The following TMTC2 variants were observed in gnomAD, a reference collection of about 807,000 sequenced individuals.
TMTC2 encodes the protein protein O-mannosyl-transferase TMTC2.
TMTC2 carries 43 observed loss-of-function variants against 82.4 expected under a neutral mutation model. The observed-to-expected ratio is 0.52, with a 90% CI of 0.41 to 0.67. The LOEUF (loss-of-function observed/expected upper bound fraction) is 0.67, where lower values mean the gene tolerates loss of function less well. TMTC2 is among the 30% of genes least tolerant of loss of function. TMTC2 has a pLI of 0.00. For synonymous variants in TMTC2, 408 were observed against 381.9 expected, an observed-to-expected ratio of 1.07 and a Z score of -0.80; for missense variants, 919 against 1,012.4, an observed-to-expected ratio of 0.91 and a Z score of 1.25.
intron 11 of TMTC2, 88 bp downstream of exon 11, chr12:83,061,919 TG>T (rs1165021596): frequency 1.9e-6 from 2 of 1,059,448 alleles, no homozygotes; most frequent in African/African-American, 3.3e-5. Context: ...ACTGGTTTTT[TG>T]TTTTTTGTTT....
chr12:82,799,572 A>T (rs1414566557), intron 1 of TMTC2, among the ~76,000 whole-genome samples: 1 of 152,124 alleles, frequency 6.6e-6, no homozygotes, highest in Non-Finnish European at 1.5e-5. Context: ...TAGTGTCTGC[A>T]GGGTTGGTTT....
At chr12:82,700,846 G>A (rs895859771) in intron 1 of TMTC2, among the ~76,000 whole-genome samples, 7 of 152,142 alleles carry the variant, frequency 4.6e-5, no homozygotes, top group Non-Finnish European at 7.4e-5. Context: ...AGGTTTAATG[G>A]ACTCACAGTT....
intron 1 of TMTC2, among the ~76,000 whole-genome samples, chr12:82,829,286 C>T (rs1438821751): frequency 1.3e-5 from 2 of 152,112 alleles, no homozygotes; most frequent in Non-Finnish European, 2.9e-5. Flanking sequence ...CATGGTAACA[C>T]TGTAGAAACA....
intron 10 of TMTC2, among the ~76,000 whole-genome samples, chr12:83,052,007 G>A (rs77831979): frequency 0.068 from 10,379 of 152,030 alleles, 402 homozygotes; most frequent in Middle Eastern, 0.096. Context: ...ATATGTACAT[G>A]TAACTCCTCC....
At chr12:83,069,031 T>C (rs533262291) in intron 11 of TMTC2, among the ~76,000 whole-genome samples, 4 of 152,316 alleles carry the variant, frequency 2.6e-5, no homozygotes, top group African/African-American at 9.6e-5. Context: ...CCGCAAATGC[T>C]GTTAATTCAT....
intron 8 of TMTC2, among the ~76,000 whole-genome samples, chr12:83,009,338 C>A (rs1312939552): frequency 6.6e-6 from 1 of 152,112 alleles, no homozygotes; most frequent in East Asian, 1.9e-4. Context: ...CCCCCTAAGA[C>A]TGTGGTCCTC....
At chr12:83,116,734 C>T (rs776014833) in intron 11 of TMTC2, among the ~76,000 whole-genome samples, 3 of 152,032 alleles carry the variant, frequency 2.0e-5, no homozygotes, top group Non-Finnish European at 4.4e-5. Context: ...TGTGTATCTT[C>T]TTTTGAGAAT....
At chr12:83,020,381 A>G (rs1880861725) in intron 8 of TMTC2, among the ~76,000 whole-genome samples, 1 of 152,210 alleles carries the variant, frequency 6.6e-6, no homozygotes, top group South Asian at 2.1e-4. Context: ...TTGGTTTGTA[A>G]TTCAGAGGTA....
chr12:82,844,085 T>C (rs1318593570), intron 1 of TMTC2, among the ~76,000 whole-genome samples: 2 of 152,244 alleles, frequency 1.3e-5, no homozygotes, highest in Non-Finnish European at 2.9e-5. Flanking sequence ...TAGAGCCTGT[T>C]AGTTTCTCCC....
intron 1 of TMTC2, among the ~76,000 whole-genome samples, chr12:82,856,579 A>G (rs1216177729): frequency 6.6e-6 from 1 of 152,180 alleles, no homozygotes; most frequent in African/African-American, 2.4e-5. Flanking sequence ...TATTCCCTGT[A>G]AAATTTATTA....
intron 2 of TMTC2, among the ~76,000 whole-genome samples, chr12:82,870,900 G>A (rs1013407977): frequency 2.0e-5 from 3 of 152,184 alleles, no homozygotes; most frequent in Non-Finnish European, 2.9e-5. Flanking sequence ...TGTCAAAGCA[G>A]CAGCCTGAAG....
chr12:82,699,750 C>A (rs565774752), intron 1 of TMTC2, among the ~76,000 whole-genome samples: 1 of 152,074 alleles, frequency 6.6e-6, no homozygotes, highest in East Asian at 1.9e-4. Context: ...TTTCAAACAA[C>A]AAGGAGGCAA....
chr12:82,893,380 A>AAAAG (rs1338790968), intron 2 of TMTC2, among the ~76,000 whole-genome samples: 6 of 146,108 alleles, frequency 4.1e-5, no homozygotes, highest in Non-Finnish European at 7.4e-5. Flanking sequence ...AAAAAAAAAA[A>AAAAG]AAAAGAAAAG....
At chr12:83,040,416 G>A (rs754629104) in intron 9 of TMTC2, among the ~76,000 whole-genome samples, 3 of 152,136 alleles carry the variant, frequency 2.0e-5, no homozygotes, top group Non-Finnish European at 2.9e-5. Context: ...CTTGAGAACC[G>A]GAAAGGAGCT....
intron 1 of TMTC2, among the ~76,000 whole-genome samples, chr12:82,712,429 C>CA (rs58906003): frequency 5.0e-4 from 36 of 71,628 alleles, no homozygotes; most frequent in African/African-American, 7.9e-4. Context: ...AACTCCGTCT[C>CA]AAAAAAAAAA....
intron 9 of TMTC2, among the ~76,000 whole-genome samples, chr12:83,041,460 C>G (rs1881893508): frequency 6.6e-6 from 1 of 151,928 alleles, no homozygotes; most frequent in African/African-American, 2.4e-5. Context: ...ATAATAAATG[C>G]TCAGTGAATT....
At chr12:82,846,541 G>C (rs1870692803) in intron 1 of TMTC2, among the ~76,000 whole-genome samples, 1 of 151,834 alleles carries the variant, frequency 6.6e-6, no homozygotes, top group African/African-American at 2.4e-5. Context: ...TTTTCTTAGG[G>C]GCCTAGGGTT....
chr12:83,006,245 G>A (rs1428392716), intron 8 of TMTC2, among the ~76,000 whole-genome samples: 1 of 151,960 alleles, frequency 6.6e-6, no homozygotes, highest in Non-Finnish European at 1.5e-5. Flanking sequence ...TGGTGCCTGC[G>A]TTGCCTCTCT....
At chr12:82,815,726 A>G (rs17010008) in intron 1 of TMTC2, among the ~76,000 whole-genome samples, 283 of 152,198 alleles carry the variant, frequency 1.9e-3, no homozygotes, top group African/African-American at 6.3e-3. Flanking sequence ...CAAAACATTA[A>G]CTGTCCAGTG....
Sources: gnomAD v4.1 joint callset for allele counts (sites outside exome capture counted in the v4.1 genomes callset) on GRCh38, gnomAD v4.1.1 for gene constraint, MANE v1.5 for transcripts, NCBI Gene and HGNC (gene_info 2026-07-23, HGNC 2026-07-21) for gene names.